PAN2: variants seen among roughly 807,000 people sequenced by gnomAD.
The protein encoded by PAN2 is PAN2-PAN3 deadenylation complex catalytic subunit PAN2.
In PAN2, 68 loss-of-function variants were observed where a neutral mutation model predicts 133.3. The observed-to-expected ratio is 0.51, with a 90% confidence interval of 0.42 to 0.62. The LOEUF is 0.62. PAN2 is among the 20% of genes least tolerant of loss of function. The pLI is 0.00. For synonymous variants in PAN2, 462 were observed against 544.6 expected (o/e 0.85, Z 2.11); for missense variants, 1,042 against 1,500.5 (o/e 0.69, Z 5.05).
chr12:56,330,938 A>G (rs1592449028), intron 2 of PAN2, among the ~76,000 whole-genome samples: 1 of 152,052 alleles, frequency 6.6e-6, no homozygotes, highest in South Asian at 2.1e-4. Flanking sequence ...AGCTGGGATT[A>G]TAGGAACCTG....
chr12:56,322,881 C>A, intron 17 of PAN2, 123 bp from the exon 18 acceptor site: 2 of 1,264,166 alleles, frequency 1.6e-6, no homozygotes, highest in Non-Finnish European at 1.1e-6. Flanking sequence ...TATCTCCATC[C>A]TAGCCCATCT....
Position 56,324,992 on chromosome 12 carries a change from G to A in PAN2, c.1599+17C>T, listed in dbSNP as rs772285413. 3.7e-6 allele frequency: 6 copies of A among 1,612,762 alleles called. No individual in the cohort carries two copies. In the South Asian group the frequency reaches 6.6e-5, roughly 18 times the overall value. ...AGCAGCAGGCACGTTCAAGTTACAG[G>A]AATACCCAACCCTTACCTGGATCAT... On this transcript the variant is annotated intron_variant, in intron 10 of 25. Transcript: ENST00000440411.
intron 20 of PAN2, 61 bp from the exon 21 acceptor site, chr12:56,320,082 C>A: frequency 1.3e-6 from 2 of 1,525,540 alleles, no homozygotes; most frequent in East Asian, 2.3e-5. Context: ...GGGAGAGAAG[C>A]CCAGTGTGGC....
Position 56,332,960 on chromosome 12 carries a change from G to T in PAN2, c.135C>A (p.Ala45=). The change falls in exon 2 of 26, where the codon GCC becomes GCA. Residue 45 remains alanine (A), a synonymous_variant. Coordinates refer to ENST00000440411, the MANE Select transcript of PAN2 (RefSeq NM_014871.6). ...ATTCCTGGACGGGAAGAGCCTCCAA[G>T]GCCACTCCCTCTGGGTCCAGCTCCA... ...QNVELDPEGV[A]LEALPVQESV... 1 of 1,614,176 alleles carries T rather than the reference G, an allele frequency of 6.2e-7. No homozygotes were observed. The highest frequency in any genetic ancestry group is 8.5e-7 in the Non-Finnish European group (1 of 1,180,026).
chr12:56,317,995 G>A (rs1014408051), intron 25 of PAN2, among the ~76,000 whole-genome samples: 1 of 152,140 alleles, frequency 6.6e-6, no homozygotes, highest in East Asian at 1.9e-4. Flanking sequence ...TGGGCAACAT[G>A]GCAAAATCCT....
chr12:56,319,803 T>C lies in PAN2; in HGVS notation c.2947-39A>G. ...GTTAATAAGGAAATCAGAGAAATGCTTACAACTCCTAATATCCTCAGCGTT... is the reference window on the plus strand; with the variant it reads ...GTTAATAAGGAAATCAGAGAAATGCCTACAACTCCTAATATCCTCAGCGTT... On this transcript the variant is annotated intron_variant, in intron 21 of 25. Coordinates refer to ENST00000440411, the MANE Select transcript of PAN2 (RefSeq NM_014871.6). This position sits in a 1 kb window ranked among gnomAD's most constrained non-coding sequence, Gnocchi z 5.4. 7.4e-6 allele frequency: 12 copies of C among 1,612,832 alleles called. No homozygotes were observed. Among genetic ancestry groups the C allele is most frequent in the Non-Finnish European group, 1.0e-5 (12 of 1,179,222 alleles).
intron 25 of PAN2, among the ~76,000 whole-genome samples, 179 bp from the exon 26 acceptor site, chr12:56,317,822 A>C (rs1565630622): frequency 6.6e-6 from 1 of 152,212 alleles, no homozygotes; most frequent in Non-Finnish European, 1.5e-5. Context: ...TATTTTACTG[A>C]ATGTTAGGAG....
chr12:56,328,099 TGAG>T (rs755261211), intron 4 of PAN2, 27 bp from the exon 5 acceptor site: 9 of 1,612,788 alleles, frequency 5.6e-6, no homozygotes, highest in Non-Finnish European at 7.6e-6. Context: ...GAAAAACCAG[TGAG>T]AAGAATGATT....
rs550791036 is a variant in PAN2, at chr12:56,330,945, C to T, written c.282+1868G>A. On this transcript the variant is annotated intron_variant, in intron 2 of 25. Coordinates refer to ENST00000440411, the MANE Select transcript of PAN2 (RefSeq NM_014871.6). ...TCCCAAGTAGCTGGGATTATAGGAACCTGCCACCACACCCAGCTAATTTTT... is the reference window on the plus strand; with the variant it reads ...TCCCAAGTAGCTGGGATTATAGGAATCTGCCACCACACCCAGCTAATTTTT... Among the ~76,000 whole-genome samples the T allele has an allele frequency of 1.8e-4, 27 of 152,180 alleles. No homozygotes were observed. The South Asian group carries it at 2.7e-3, about 15-fold the overall frequency.
chr12:56,325,205 T>TA, intron 9 of PAN2, 77 bp from the exon 10 acceptor site: 1 of 1,583,300 alleles, frequency 6.3e-7, no homozygotes, highest in East Asian at 2.2e-5. Flanking sequence ...CAGCCTTTCC[T>TA]AGAGCCTTCC....
intron 14 of PAN2, 34 bp downstream of exon 14, chr12:56,323,773 C>A (rs756419504): frequency 6.6e-7 from 1 of 1,513,206 alleles, no homozygotes; most frequent in South Asian, 1.1e-5. Context: ...CATGGCAGGA[C>A]CAGGACTCTA....
chr12:56,325,118 T>C lies in PAN2; in HGVS notation c.1490A>G (p.Lys497Arg). The change falls in exon 10 of 26, where the codon AAA becomes AGA. Residue 497 changes from lysine (K) to arginine (R), a missense_variant. Around this residue, in one of 3 missense-constraint regions of PAN2, gnomAD observed 908 missense variants for 1,223.5 expected, o/e 0.74. Transcript: ENST00000440411. ...GTCCTCCAGCCCTAGCTTGGAATAT[T>C]TGATGGTCACCTAAGGTAGAAATTG... is the stretch of plus-strand genomic sequence containing the variant. ...VSKKYRKVTI[K>R]YSKLGLEDFD... The C allele has an allele frequency of 6.2e-7, 1 of 1,613,978 alleles. No homozygotes were observed. The highest frequency in any genetic ancestry group is 8.5e-7 in the Non-Finnish European group (1 of 1,179,918).
At position 56,332,872 on chromosome 12, in the gene PAN2, G is replaced by C; in HGVS notation, c.223C>G (p.Pro75Ala). The change falls in exon 2 of 26, where the codon CCT (proline) becomes GCT (alanine). Residue 75 changes from proline to alanine, a missense_variant. Around this residue, in one of 3 missense-constraint regions of PAN2, gnomAD observed 908 missense variants for 1,223.5 expected, o/e 0.74. Coordinates refer to ENST00000440411, the MANE Select transcript of PAN2 (RefSeq NM_014871.6). Reference protein sequence around the residue: ...LHSVVAEVGVPVSVSHFDLHE... With the variant: ...LHSVVAEVGVAVSVSHFDLHE... ...AAGTCAAAGTGGGAGACGGAAACAG[G>C]TACACCCACTTCAGCCACCACGCTG... 1 of 1,614,146 alleles carries C rather than the reference G, an allele frequency of 6.2e-7. No individual in the cohort carries two copies. Among genetic ancestry groups the C allele is most frequent in the Non-Finnish European group, 8.5e-7 (1 of 1,180,024 alleles).
intron 8 of PAN2, 131 bp from the exon 9 acceptor site, chr12:56,325,585 G>C (rs1255237551): frequency 8.3e-6 from 8 of 965,994 alleles, no homozygotes; most frequent in Middle Eastern, 2.3e-4. Context: ...AGCATCCGCT[G>C]CTTCCTTTCT....
At chr12:56,322,853 T>TTG in intron 17 of PAN2, 95 bp from the exon 18 acceptor site, 2 of 738,728 alleles carry the variant, frequency 2.7e-6, no homozygotes, top group Non-Finnish European at 4.3e-6. Context: ...GTATGGGGGA[T>TTG]GGGGGACCAG....
chr12:56,319,618 T>C lies in PAN2; in HGVS notation c.3090+3A>G. The C allele has an allele frequency of 6.2e-7, 1 of 1,605,282 alleles. No homozygotes were observed. The highest frequency in any genetic ancestry group is 8.5e-7 in the Non-Finnish European group (1 of 1,175,790). Reference sequence around the variant, plus strand: ...CCTCACTTGCATCTCCATATCCTAATACCTGCTCCTGGGTAGAGATGTAGT... The same window carrying C: ...CCTCACTTGCATCTCCATATCCTAACACCTGCTCCTGGGTAGAGATGTAGT... On this transcript the variant is annotated splice_donor_region_variant and intron_variant, in intron 22 of 25. Transcript: ENST00000440411. This position sits in a 1 kb window ranked among gnomAD's most constrained non-coding sequence, Gnocchi z 5.4.
intron 25 of PAN2, 87 bp from the exon 26 acceptor site, chr12:56,317,730 G>A: frequency 3.5e-6 from 4 of 1,135,026 alleles, no homozygotes; most frequent in Admixed American, 1.9e-5. Flanking sequence ...AAATGCAAGA[G>A]AAAAAAGGGC....
intron 2 of PAN2, 52 bp downstream of exon 2, chr12:56,332,761 A>G: frequency 1.9e-6 from 3 of 1,574,364 alleles, no homozygotes; most frequent in Non-Finnish European, 2.6e-6. Flanking sequence ...GGTTAAGACC[A>G]GATAAAGACC....
At chr12:56,330,163 A>G (rs1192535806) in intron 2 of PAN2, among the ~76,000 whole-genome samples, 1 of 152,094 alleles carries the variant, frequency 6.6e-6, no homozygotes, top group Non-Finnish European at 1.5e-5. Context: ...TTGGTGCTGC[A>G]TCCAAGTCTC....
Sources: allele counts gnomAD v4.1 joint callset (sites outside exome capture counted in the v4.1 genomes callset), GRCh38; gene constraint gnomAD v4.1.1; regional missense constraint gnomAD v4.1.1; non-coding constraint Gnocchi (gnomAD v3.1); transcripts MANE v1.5; gene names NCBI Gene and HGNC (gene_info 2026-07-23, HGNC 2026-07-21).